C5AR2: variants seen among roughly 807,000 people sequenced by gnomAD.
C5AR2 encodes C5a anaphylatoxin chemotactic receptor 2.
For missense variants in C5AR2, 458 were observed against 467.5 expected (o/e 0.98, Z 0.19); for synonymous variants, 224 against 216.5 (o/e 1.03, Z -0.30).
At position 47,341,901 on chromosome 19, in the gene C5AR2, TCTTCATTTTATTC is replaced by T; in HGVS notation, c.*93_*105del. On this transcript the variant is annotated 3_prime_UTR_variant, in exon 2 of 2. Transcript: ENST00000595464. The surrounding 1 kb of genome is among the most constrained non-coding windows in gnomAD (Gnocchi z 4.6). ...AGCTGGATCCAGGAGCTCAATGATG[TCTTCATTTTATTC>T]CTTCCTTCATTCAACAGATATCCAT... is the stretch of plus-strand genomic sequence containing the variant. 1 of 1,236,862 alleles carries T rather than the reference TCTTCATTTTATTC, an allele frequency of 8.1e-7. No individual in the cohort carries two copies. The highest frequency in any genetic ancestry group is 1.4e-5 in the South Asian group (1 of 72,016). 76.6% of individuals were successfully genotyped at this position (1,236,862 alleles called of 1,614,324 possible).
chr19:47,340,754 T>G (rs1482380965), intron 1 of C5AR2, 31 bp from the exon 2 acceptor site: 11 of 1,608,524 alleles, frequency 6.8e-6, no homozygotes, highest in Non-Finnish European at 8.5e-6. Flanking sequence ...TTTCCTCCTC[T>G]GAGTTTTCAT....
In C5AR2 at chr19:47,345,057, G is replaced by A. The variant is rs764599918; in HGVS notation, c.*3244G>A. On this transcript the variant is annotated 3_prime_UTR_variant, in exon 2 of 2. Transcript: ENST00000595464. ...CAAAGTGCTGGGAATACAGGCATGA[G>A]CCACCGTTCCCGGCCTTATCCTTGA... is the stretch of plus-strand genomic sequence containing the variant. 6.6e-6 allele frequency: 1 copy of A among 152,330 alleles called. No homozygotes were observed. The highest frequency in any genetic ancestry group is 1.5e-5 in the Non-Finnish European group (1 of 68,184). The allele number at this position is 152,330 out of a possible 1,614,324, so 9.4% of individuals were successfully genotyped here.
At chr19:47,336,927 G>A (rs908645459) in intron 1 of C5AR2, among the ~76,000 whole-genome samples, 1 of 152,032 alleles carries the variant, frequency 6.6e-6, no homozygotes, top group African/African-American at 2.4e-5. Flanking sequence ...GCATGGGGGA[G>A]GGGAGTGCCC....
chr19:47,341,189 C>T lies in C5AR2; in HGVS notation c.390C>T (p.Ala130=), dbSNP rs774353065. The change falls in exon 2 of 2, where the codon GCC becomes GCT. Residue 130 remains alanine (A), a synonymous_variant. Transcript: ENST00000595464. The surrounding 1 kb of genome is among the most constrained non-coding windows in gnomAD (Gnocchi z 4.6). ...ASVLLLAALS[A]DLCFLALGPA... ...TCCTGCTCCTGGCAGCTCTCAGTGCCGACCTCTGCTTCCTGGCTCTCGGGC... is the reference window on the plus strand; with the variant it reads ...TCCTGCTCCTGGCAGCTCTCAGTGCTGACCTCTGCTTCCTGGCTCTCGGGC... The T allele has an allele frequency of 1.6e-5, 26 of 1,600,900 alleles. No homozygotes were observed. Among genetic ancestry groups the T allele is most frequent in the African/African-American group, 4.0e-5 (3 of 74,910 alleles).
rs140495291 is a variant in C5AR2, at chr19:47,341,102, G to A, written c.303G>A (p.Pro101=). 18 of 1,604,112 alleles carry A rather than the reference G, an allele frequency of 1.1e-5. No homozygotes were observed. The highest frequency in any genetic ancestry group is 1.1e-4 in the African/African-American group (8 of 74,944). The change falls in exon 2 of 2, where the codon CCG becomes CCA. Residue 101 remains proline, a synonymous_variant. Transcript: ENST00000595464. This position sits in a 1 kb window ranked among gnomAD's most constrained non-coding sequence, Gnocchi z 4.6. ...AVPIARGGHW[P]YGAVGCRALP... is the part of the protein sequence containing the mutation. ...CCATTGCCCGTGGAGGCCACTGGCC[G>A]TATGGTGCAGTGGGCTGTCGGGCGC...
intron 1 of C5AR2, among the ~76,000 whole-genome samples, chr19:47,335,629 G>A (rs190405688): frequency 8.6e-5 from 13 of 151,084 alleles, no homozygotes; most frequent in African/African-American, 2.4e-4. Flanking sequence ...AAAATTAGCC[G>A]GAAGTGGTAG....
At chr19:47,340,066 C>T (rs2059376318) in intron 1 of C5AR2, among the ~76,000 whole-genome samples, 1 of 151,440 alleles carries the variant, frequency 6.6e-6, no homozygotes. Flanking sequence ...ATGATTCTCC[C>T]ACTTCAGCCT....
chr19:47,333,621 C>T (rs1297693063), intron 1 of C5AR2, among the ~76,000 whole-genome samples: 3 of 139,854 alleles, frequency 2.1e-5, no homozygotes, highest in Non-Finnish European at 3.0e-5. Context: ...GAGTCTTGCT[C>T]AGGCTGGAGT....
chr19:47,332,562 A>AT (rs893835586), intron 1 of C5AR2, among the ~76,000 whole-genome samples: 2 of 151,874 alleles, frequency 1.3e-5, no homozygotes, highest in Non-Finnish European at 2.9e-5. Flanking sequence ...GGATCTAAGC[A>AT]TTTTTTTTCT....
rs1398769887 is a variant in C5AR2, at chr19:47,335,452, A to G, written c.-16+3103A>G. On this transcript the variant is annotated intron_variant, in intron 1 of 1. Transcript: ENST00000595464. Reference sequence around the variant, plus strand: ...TACGATACCATTGCTTTGGGCTTACAGCTGGGCAAATTATATGCACAGAAA... The same window carrying G: ...TACGATACCATTGCTTTGGGCTTACGGCTGGGCAAATTATATGCACAGAAA... Among the ~76,000 whole-genome samples, 3 of 151,944 alleles carry G rather than the reference A, an allele frequency of 2.0e-5. No individual in the cohort carries two copies. In the Admixed American group the frequency reaches 2.0e-4, roughly 10 times the overall value.
chr19:47,340,323 C>A (rs1013606140), intron 1 of C5AR2, among the ~76,000 whole-genome samples: 1 of 151,118 alleles, frequency 6.6e-6, no homozygotes, highest in Non-Finnish European at 1.5e-5. Context: ...CCACTTCTAA[C>A]AACACTAAGT....
intron 1 of C5AR2, 70 bp from the exon 2 acceptor site, chr19:47,340,715 G>A (rs1346054710): frequency 1.7e-5 from 24 of 1,443,230 alleles, no homozygotes; most frequent in Non-Finnish European, 2.3e-5. Flanking sequence ...CCGGGCTGAT[G>A]GACACCCTAG....
chr19:47,341,719 G>A lies in C5AR2; in HGVS notation c.920G>A (p.Cys307Tyr). The A allele has an allele frequency of 6.2e-7, 1 of 1,614,002 alleles. No individual in the cohort carries two copies. Among genetic ancestry groups the A allele is most frequent in the Non-Finnish European group, 8.5e-7 (1 of 1,180,040 alleles). ...CTCCGCCGGTCACTGCCAGCTGCCT[G>A]TCACTGGGCCCTGAGGGAGTCCCAG... ...AQLRRSLPAACHWALRESQGQ... is the reference protein window; with the variant it reads ...AQLRRSLPAAYHWALRESQGQ... The change falls in exon 2 of 2, where the codon TGT (cysteine) becomes TAT (tyrosine). Residue 307 changes from cysteine (C) to tyrosine (Y), a missense_variant. Transcript: ENST00000595464. This position sits in a 1 kb window ranked among gnomAD's most constrained non-coding sequence, Gnocchi z 4.6.
intron 1 of C5AR2, chr19:47,337,176 T>C (rs2059361451): frequency 6.6e-6 from 1 of 152,296 alleles, no homozygotes; most frequent in African/African-American, 2.4e-5. Flanking sequence ...AGAGGTAGGT[T>C]CACCTCAATG....
intron 1 of C5AR2, among the ~76,000 whole-genome samples, chr19:47,335,851 G>T (rs1462037404): frequency 2.8e-5 from 4 of 144,212 alleles, no homozygotes; most frequent in African/African-American, 1.0e-4. Flanking sequence ...AGGAAGGGTG[G>T]AGTCTTTGCG....
chr19:47,340,919 A>G lies in C5AR2; in HGVS notation c.120A>G (p.Pro40=). 1.2e-6 allele frequency: 2 copies of G among 1,612,554 alleles called. No homozygotes were observed. Among genetic ancestry groups the G allele is most frequent in the South Asian group, 1.1e-5 (1 of 91,076 alleles). Residue 40 remains proline, a synonymous_variant, in exon 2 of 2, where the codon CCA becomes CCG. Coordinates refer to ENST00000595464, the MANE Select transcript of C5AR2 (RefSeq NM_001271749.2). ...AIDPLRVAPL[P]LYAAIFLVGV... Reference sequence around the variant, plus strand: ...ACCCGCTGCGCGTGGCCCCGCTCCCACTGTATGCCGCCATCTTCCTGGTGG... The same window carrying G: ...ACCCGCTGCGCGTGGCCCCGCTCCCGCTGTATGCCGCCATCTTCCTGGTGG...
At chr19:47,335,665 G>T (rs1033336977) in intron 1 of C5AR2, among the ~76,000 whole-genome samples, 1 of 149,092 alleles carries the variant, frequency 6.7e-6, no homozygotes, top group South Asian at 2.1e-4. Flanking sequence ...CCAGCTACTC[G>T]GGAGACTGAG....
At chr19:47,339,162 T>A (rs1312236691) in intron 1 of C5AR2, among the ~76,000 whole-genome samples, 4 of 151,342 alleles carry the variant, frequency 2.6e-5, no homozygotes, top group Non-Finnish European at 5.9e-5. Flanking sequence ...TCAAAAAAAA[T>A]AAATTATTGC....
chr19:47,340,710 C>A (rs2122170341), intron 1 of C5AR2, 75 bp from the exon 2 acceptor site: 1 of 1,395,952 alleles, frequency 7.2e-7, no homozygotes, highest in Non-Finnish European at 1.0e-6. Flanking sequence ...GTGGGCCGGG[C>A]TGATGGACAC....
Sources: gnomAD v4.1 joint callset for allele counts (sites outside exome capture counted in the v4.1 genomes callset) on GRCh38, gnomAD v4.1.1 for gene constraint, Gnocchi (gnomAD v3.1) non-coding constraint, MANE v1.5 for transcripts, NCBI Gene and HGNC (gene_info 2026-07-23, HGNC 2026-07-21) for gene names.